Variants in SNX29 observed in about 807,000 individuals in gnomAD.
SNX29 encodes sorting nexin 29, also known as sorting nexin-29.
A neutral mutation model predicts 102.1 loss-of-function variants in SNX29; 78 were observed. The ratio of observed to expected loss-of-function variants is 0.76; its 90% CI spans 0.64 to 0.92. SNX29 has a LOEUF of 0.92. Among genes scored for constraint, SNX29 ranks in the 40% least tolerant of loss-of-function variants. The pLI, the probability that SNX29 is intolerant of heterozygous loss-of-function variation, is 0.00. For synonymous variants in SNX29, 580 were observed against 414.5 expected, an observed-to-expected ratio of 1.40 and a Z score of -4.85; for missense variants, 1,280 against 1,061.7, an observed-to-expected ratio of 1.21 and a Z score of -2.86.
intron 20 of SNX29, among the ~76,000 whole-genome samples, chr16:12,562,812 T>C (rs186919224): frequency 2.2e-4 from 34 of 152,254 alleles, no homozygotes; most frequent in Admixed American, 1.8e-3. Context: ...ACAACTCCTT[T>C]CCCCCCAAAT....
intron 14 of SNX29, among the ~76,000 whole-genome samples, chr16:12,218,448 C>T (rs2077383314): frequency 1.3e-5 from 2 of 152,212 alleles, no homozygotes; most frequent in African/African-American, 4.8e-5. Flanking sequence ...TTTATTGGAT[C>T]ATGGCCATAT....
At chr16:12,227,345 C>G (rs555948914) in intron 14 of SNX29, among the ~76,000 whole-genome samples, 49 of 152,268 alleles carry the variant, frequency 3.2e-4, no homozygotes, top group African/African-American at 1.1e-3. Context: ...GATCTGCACC[C>G]CAGTGACAAC....
intron 18 of SNX29, chr16:12,442,895 G>A: frequency 2.4e-6 from 1 of 413,374 alleles, no homozygotes; most frequent in South Asian, 1.8e-5. Context: ...ACCTGGCTGT[G>A]TTCAAAAAAA....
chr16:12,380,623 CCCACCCA>C (rs2083058415), intron 16 of SNX29, among the ~76,000 whole-genome samples: 1 of 119,738 alleles, frequency 8.4e-6, no homozygotes, highest in Non-Finnish European at 1.8e-5. Flanking sequence ...CATCCATCCA[CCCACCCA>C]CCATCCATCC....
intron 13 of SNX29, among the ~76,000 whole-genome samples, chr16:12,188,781 G>A (rs575123826): frequency 5.9e-5 from 9 of 152,298 alleles, no homozygotes; most frequent in South Asian, 2.1e-4. Flanking sequence ...GCAGAAATGA[G>A]ATGCCACACA....
intron 19 of SNX29, among the ~76,000 whole-genome samples, chr16:12,516,326 A>T (rs1251979788): frequency 6.6e-6 from 1 of 152,036 alleles, no homozygotes; most frequent in Non-Finnish European, 1.5e-5. Context: ...CAAAAACTTT[A>T]AAAATTAGCC....
In SNX29 at chr16:12,377,973, A is replaced by G. The variant is rs151034707; in HGVS notation, c.1900-20473A>G. The stretch of plus-strand genomic sequence containing the variant: ...CAAATAAAATAAATGCTGGAGCTGG[A>G]TGAGGCCTTTGGGATCATGGTTTTT... On this transcript the variant is annotated intron_variant, in intron 16 of 20. Coordinates refer to ENST00000566228, the MANE Select transcript of SNX29 (RefSeq NM_032167.5). Among the ~76,000 whole-genome samples, 1,521 of 152,264 alleles carry G rather than the reference A, an allele frequency of 1.0e-2. 22 individuals are homozygous for G. Among genetic ancestry groups the G allele is most frequent in the African/African-American group, 0.034 (1,413 of 41,552 alleles).
At chr16:12,563,797 A>AC (rs1474336478) in intron 20 of SNX29, among the ~76,000 whole-genome samples, 2 of 152,072 alleles carry the variant, frequency 1.3e-5, no homozygotes, top group African/African-American at 4.8e-5. Context: ...AGACTGCAAC[A>AC]CCCACCCATT....
intron 18 of SNX29, among the ~76,000 whole-genome samples, chr16:12,429,705 A>G (rs1275421472): frequency 6.6e-6 from 1 of 152,144 alleles, no homozygotes; most frequent in Non-Finnish European, 1.5e-5. Flanking sequence ...TTTGCTCAAC[A>G]TTTAAGTTTT....
At chr16:12,411,036 A>T (rs1356969370) in intron 18 of SNX29, among the ~76,000 whole-genome samples, 1 of 152,236 alleles carries the variant, frequency 6.6e-6, no homozygotes, top group African/African-American at 2.4e-5. Context: ...AAGTAGAGAA[A>T]GATGAAATGG....
intron 18 of SNX29, among the ~76,000 whole-genome samples, chr16:12,449,285 G>A (rs1350775971): frequency 6.6e-6 from 1 of 151,942 alleles, no homozygotes; most frequent in Non-Finnish European, 1.5e-5. Context: ...GATGCTGGAG[G>A]CAAGCCCTCC....
chr16:12,249,902 C>A lies in SNX29; in HGVS notation c.1679-28031C>A, dbSNP rs75793804. ...CCTGTTCTTATTTAATGTTAAACAC[C>A]TGCAGGTCCCAGCCCTCTGCTAGGT... is the stretch of plus-strand genomic sequence containing the variant. On this transcript the variant is annotated intron_variant, in intron 14 of 20. Transcript: ENST00000566228. Among the ~76,000 whole-genome samples the A allele has an allele frequency of 3.3e-3, 498 of 152,334 alleles. 5 individuals are homozygous for A. The highest frequency in any genetic ancestry group is 0.011 in the African/African-American group (471 of 41,572).
chr16:12,019,021 A>G (rs2056935989), intron 3 of SNX29, among the ~76,000 whole-genome samples: 2 of 152,152 alleles, frequency 1.3e-5, no homozygotes, highest in East Asian at 1.9e-4. Flanking sequence ...CAAGTTTTCT[A>G]TAAGCATTTT....
chr16:12,348,663 C>G (rs1038847134), intron 15 of SNX29, among the ~76,000 whole-genome samples: 4 of 152,184 alleles, frequency 2.6e-5, no homozygotes, highest in African/African-American at 7.2e-5. Flanking sequence ...GATGCTAGCT[C>G]AGCATCACAG....
intron 14 of SNX29, among the ~76,000 whole-genome samples, chr16:12,265,433 T>C (rs1018864885): frequency 3.9e-5 from 6 of 152,130 alleles, no homozygotes; most frequent in African/African-American, 1.4e-4. Flanking sequence ...AGCTGATCTC[T>C]TGGAAGCGAG....
intron 15 of SNX29, among the ~76,000 whole-genome samples, chr16:12,291,804 C>G (rs1346912835): frequency 6.6e-6 from 1 of 152,064 alleles, no homozygotes; most frequent in Non-Finnish European, 1.5e-5. Flanking sequence ...GGGACTGTTG[C>G]TAGGGGAAGC....
intron 18 of SNX29, chr16:12,443,232 G>A (rs1054936157): frequency 3.0e-6 from 1 of 328,528 alleles, no homozygotes; most frequent in Non-Finnish European, 6.1e-6. Context: ...GCGGCACTGA[G>A]ACATCAGAGC....
At chr16:12,486,628 G>A (rs2088249451) in intron 19 of SNX29, among the ~76,000 whole-genome samples, 1 of 152,254 alleles carries the variant, frequency 6.6e-6, no homozygotes, top group South Asian at 2.1e-4. Flanking sequence ...AAGGTCGGCT[G>A]TAGAGGATCC....
At chr16:12,134,462 C>G (rs989564447) in intron 13 of SNX29, among the ~76,000 whole-genome samples, 2 of 152,190 alleles carry the variant, frequency 1.3e-5, no homozygotes, top group East Asian at 3.8e-4. Flanking sequence ...GGTCCACTTG[C>G]AAGCTTCATC....
Sources: gnomAD v4.1 joint callset for allele counts (sites outside exome capture counted in the v4.1 genomes callset) on GRCh38, gnomAD v4.1.1 for gene constraint, MANE v1.5 for transcripts, NCBI Gene and HGNC (gene_info 2026-07-23, HGNC 2026-07-21) for gene names.